Variants in ST7 observed in about 807,000 individuals in gnomAD.
ST7 encodes the protein suppressor of tumorigenicity 7 protein.
Under a neutral mutation model 78.7 loss-of-function variants are expected in ST7, and 28 were observed. That is an observed-to-expected ratio of 0.36 (90% CI 0.26 to 0.49). ST7 has a LOEUF of 0.49. Among genes scored for constraint, ST7 ranks in the 20% least tolerant of loss-of-function variants. The pLI, the probability that ST7 is intolerant of heterozygous loss-of-function variation, is 0.99. For missense variants in ST7, 418 were observed against 696.0 expected (o/e 0.60, Z 4.49); for synonymous variants, 247 against 249.6 (o/e 0.99, Z 0.10).
intron 2 of ST7, among the ~76,000 whole-genome samples, chr7:117,114,941 C>T (rs911397921): frequency 6.6e-6 from 1 of 152,322 alleles, no homozygotes; most frequent in African/African-American, 2.4e-5. Flanking sequence ...GTCTCTGCCC[C>T]CAGCTCCCAG....
intron 10 of ST7, among the ~76,000 whole-genome samples, chr7:117,181,859 C>A (rs1051006708): frequency 6.6e-6 from 1 of 152,152 alleles, no homozygotes; most frequent in Non-Finnish European, 1.5e-5. Flanking sequence ...GTAAATGGCC[C>A]TTTTCCTTTG....
intron 9 of ST7, among the ~76,000 whole-genome samples, chr7:117,140,330 G>A (rs1390955652): frequency 3.3e-5 from 5 of 152,162 alleles, no homozygotes; most frequent in African/African-American, 9.6e-5. Flanking sequence ...TCTCAGCTTT[G>A]CTCTTTACCA....
chr7:117,098,313 C>T (rs1584652853), intron 1 of ST7, among the ~76,000 whole-genome samples: 1 of 151,784 alleles, frequency 6.6e-6, no homozygotes, highest in African/African-American at 2.4e-5. Flanking sequence ...CAGGTCCTTT[C>T]CTCTGTTTAG....
intron 1 of ST7, among the ~76,000 whole-genome samples, chr7:117,027,603 C>T (rs950560792): frequency 4.6e-5 from 7 of 151,908 alleles, no homozygotes; most frequent in African/African-American, 1.2e-4. Context: ...AGACTCTGGG[C>T]GGGACATGGT....
At chr7:117,157,718 G>C (rs1584487997) in intron 9 of ST7, among the ~76,000 whole-genome samples, 1 of 152,210 alleles carries the variant, frequency 6.6e-6, no homozygotes, top group Non-Finnish European at 1.5e-5. Context: ...TTGTTGGCCA[G>C]TGTGGTTAGC....
At chr7:116,965,276 C>T (rs1403788433) in intron 1 of ST7, among the ~76,000 whole-genome samples, 2 of 148,662 alleles carry the variant, frequency 1.3e-5, no homozygotes, top group African/African-American at 2.5e-5. Flanking sequence ...GGAGGCGGAG[C>T]TTGCAGTGAG....
rs549905331 is a variant in ST7, at chr7:117,096,220, A to T, written c.152-3542A>T. Among the ~76,000 whole-genome samples the T allele has an allele frequency of 2.6e-5, 4 of 152,134 alleles. No homozygotes were observed. In the East Asian group the frequency reaches 7.7e-4, roughly 29 times the overall value. ...AAAATAATTGCTAATGACTTTGATG[A>T]AGCTAGGCAAGATATTTTTTGGTTT... On this transcript the variant is annotated intron_variant, in intron 1 of 15. Coordinates refer to ENST00000323984, the MANE Select transcript of ST7 (RefSeq NM_001369598.1).
intron 9 of ST7, among the ~76,000 whole-genome samples, chr7:117,149,412 A>T (rs1033128435): frequency 6.6e-6 from 1 of 151,834 alleles, no homozygotes; most frequent in Non-Finnish European, 1.5e-5. Flanking sequence ...TTGATTCATG[A>T]TTTCTTATTG....
chr7:117,226,118 T>C (rs1337677204), intron 15 of ST7, among the ~76,000 whole-genome samples: 1 of 152,184 alleles, frequency 6.6e-6, no homozygotes, highest in East Asian at 1.9e-4. Flanking sequence ...CTTTGAAGCC[T>C]GATATTGATT....
At chr7:116,962,833 CAG>C (rs1562979374) in intron 1 of ST7, among the ~76,000 whole-genome samples, 1 of 152,130 alleles carries the variant, frequency 6.6e-6, no homozygotes, top group Admixed American at 6.6e-5. Context: ...CGTCTGCAAA[CAG>C]GGGTAGTTGA....
chr7:117,119,308 C>A (rs1803170112), intron 2 of ST7, among the ~76,000 whole-genome samples: 1 of 152,058 alleles, frequency 6.6e-6, no homozygotes, highest in African/African-American at 2.4e-5. Context: ...TTATATTGAG[C>A]AGTTCTTAAC....
chr7:117,064,960 T>C (rs1337576396), intron 1 of ST7, among the ~76,000 whole-genome samples: 1 of 152,096 alleles, frequency 6.6e-6, no homozygotes, highest in East Asian at 1.9e-4. Context: ...ACTAATCTCA[T>C]TGTGTATATT....
intron 9 of ST7, among the ~76,000 whole-genome samples, chr7:117,160,080 T>G (rs1409097516): frequency 1.3e-5 from 2 of 150,740 alleles, no homozygotes; most frequent in African/African-American, 4.9e-5. Context: ...AATTTTAATT[T>G]AATTTAATTC....
At position 117,169,136 on chromosome 7, in the gene ST7, CCT is replaced by C. The variant is rs1491163788; in HGVS notation, c.964-1725_964-1724del. On this transcript the variant is annotated intron_variant, in intron 9 of 15. Coordinates refer to ENST00000323984, the MANE Select transcript of ST7 (RefSeq NM_001369598.1). ...TTTACCTTCTTTTTTTAATCTTCTT[CCT>C]TTTTTTTTTTTTTTTGAGACGGAGT... 7.1e-5 allele frequency among the ~76,000 whole-genome samples: 10 copies of C among 141,222 alleles called. 1 individual carries two copies. Among genetic ancestry groups the C allele is most frequent in the Admixed American group, 3.6e-4 (5 of 13,912 alleles). 92.6% of individuals were successfully genotyped at this position (141,222 alleles called of 152,430 possible).
chr7:117,134,279 A>G, intron 7 of ST7, 87 bp downstream of exon 7: 1 of 1,582,866 alleles, frequency 6.3e-7, no homozygotes, highest in Non-Finnish European at 8.6e-7. Context: ...CCATCACCAC[A>G]CTTTCTTGCT....
At chr7:116,984,467 G>A (rs1025920758) in intron 1 of ST7, among the ~76,000 whole-genome samples, 5 of 152,126 alleles carry the variant, frequency 3.3e-5, no homozygotes, top group African/African-American at 4.8e-5. Context: ...GGTTACGTGT[G>A]CCCTAAACTA....
intron 1 of ST7, among the ~76,000 whole-genome samples, chr7:117,018,385 G>A (rs1322607696): frequency 7.2e-5 from 11 of 151,880 alleles, no homozygotes. Context: ...ATTCCCCCTT[G>A]GTTGTCGATG....
At chr7:117,036,389 G>A (rs965371347) in intron 1 of ST7, among the ~76,000 whole-genome samples, 6 of 152,200 alleles carry the variant, frequency 3.9e-5, no homozygotes, top group African/African-American at 1.4e-4. Flanking sequence ...TGGAATAAGG[G>A]ATAACATGAC....
intron 2 of ST7, among the ~76,000 whole-genome samples, chr7:117,102,643 A>G (rs1444839230): frequency 2.6e-5 from 4 of 152,188 alleles, no homozygotes; most frequent in Admixed American, 2.6e-4. Flanking sequence ...GCTATGTAAG[A>G]AACTATATTA....
Sources: allele counts gnomAD v4.1 joint callset (sites outside exome capture counted in the v4.1 genomes callset), GRCh38; gene constraint gnomAD v4.1.1; transcripts MANE v1.5; gene names NCBI Gene and HGNC (gene_info 2026-07-23, HGNC 2026-07-21).